CPT1A: variants seen among roughly 807,000 people sequenced by gnomAD.
CPT1A encodes carnitine palmitoyltransferase 1A.
A neutral mutation model predicts 100.8 loss-of-function variants in CPT1A; 64 were observed. The ratio of observed to expected loss-of-function variants is 0.63; its 90% confidence interval spans 0.52 to 0.78. The LOEUF is 0.78. Ranked by LOEUF, CPT1A falls within the 30% of genes least tolerant of loss-of-function variation. The pLI, the probability that CPT1A is intolerant of heterozygous loss-of-function variation, is 0.00. For missense variants in CPT1A, 802 were observed against 1,034.1 expected, an observed-to-expected ratio of 0.78 and a Z score of 3.08; for synonymous variants, 363 against 396.0, an observed-to-expected ratio of 0.92 and a Z score of 0.99.
At chr11:68,761,776 T>A in intron 15 of CPT1A, 89 bp from the exon 16 acceptor site, 1 of 1,478,276 alleles carries the variant, frequency 6.8e-7, no homozygotes, top group East Asian at 2.3e-5. Flanking sequence ...CCGGCTAATA[T>A]TTTTTGTTAT....
In CPT1A at chr11:68,759,641, A is replaced by G. The variant is rs1946763668; in HGVS notation, c.2163T>C (p.Gly721=). ...TCTCTCCCACAAGGATGTACGACACACCATAGCCGTCATCAGCAACCTGGA... is the reference window on the plus strand; with the variant it reads ...TCTCTCCCACAAGGATGTACGACACGCCATAGCCGTCATCAGCAACCTGGA... The part of the protein sequence containing the change: ...GFGPVADDGY[G]VSYILVGENL... The change falls in exon 18 of 19, where the codon GGT becomes GGC. Residue 721 remains glycine (G), a synonymous_variant. Coordinates refer to ENST00000265641, the MANE Select transcript of CPT1A (RefSeq NM_001876.4). 1 of 1,613,570 alleles carries G rather than the reference A, an allele frequency of 6.2e-7. No homozygotes were observed. Among genetic ancestry groups the G allele is most frequent in the African/African-American group, 1.3e-5 (1 of 74,896 alleles).
intron 12 of CPT1A, among the ~76,000 whole-genome samples, 154 bp from the exon 13 acceptor site, chr11:68,775,586 G>C (rs529792714): frequency 6.6e-6 from 1 of 152,340 alleles, no homozygotes; most frequent in East Asian, 1.9e-4. Flanking sequence ...TAATGAGGTG[G>C]ATCTGATCTC....
intron 12 of CPT1A, among the ~76,000 whole-genome samples, 194 bp from the exon 13 acceptor site, chr11:68,775,626 C>A (rs1258144953): frequency 6.6e-6 from 1 of 152,126 alleles, no homozygotes; most frequent in African/African-American, 2.4e-5. Context: ...AGAGGACAGA[C>A]GAGGGCTAAG....
chr11:68,804,353 C>T (rs554779005), intron 4 of CPT1A, among the ~76,000 whole-genome samples: 1 of 152,294 alleles, frequency 6.6e-6, no homozygotes, highest in African/African-American at 2.4e-5. Context: ...CCCATACTTA[C>T]AGGTTCTAGC....
chr11:68,784,821 C>G lies in CPT1A; in HGVS notation c.1157G>C (p.Gly386Ala), dbSNP rs753468721. The G allele has an allele frequency of 1.2e-6, 2 of 1,609,094 alleles. No homozygotes were observed. The highest frequency in any genetic ancestry group is 2.7e-5 in the African/African-American group (2 of 74,874). The part of the protein sequence containing the change: ...GEARLAALTA[G>A]DRVPWARCRQ... ...AGGGACCTAGGCTGCGCACCTGTCT[C>G]CTGCGGTGAGGGCTGCCAGCCTGGC... Residue 386 changes from glycine (G) to alanine (A), a missense_variant, in exon 10 of 19, where the codon GGA (glycine) becomes GCA (alanine). Physicochemically the swap from Gly to Ala is moderately conservative, Grantham distance 60 (BLOSUM62 0). Coordinates refer to ENST00000265641, the MANE Select transcript of CPT1A (RefSeq NM_001876.4).
chr11:68,774,781 CAAAAAAA>C (rs1169875761), intron 13 of CPT1A, among the ~76,000 whole-genome samples: 5 of 54,306 alleles, frequency 9.2e-5, no homozygotes, highest in South Asian at 5.7e-4. Context: ...GACTACATCT[CAAAAAAA>C]AAAAAAAAAA....
intron 1 of CPT1A, among the ~76,000 whole-genome samples, chr11:68,824,448 C>T (rs1349405486): frequency 6.6e-6 from 1 of 151,964 alleles, no homozygotes; most frequent in Admixed American, 6.6e-5. Flanking sequence ...AACAAACAGG[C>T]ACGTGTACCC....
At chr11:68,825,156 G>A (rs1189210034) in intron 1 of CPT1A, among the ~76,000 whole-genome samples, 1 of 152,152 alleles carries the variant, frequency 6.6e-6, no homozygotes, top group African/African-American at 2.4e-5. Flanking sequence ...GGAGGGACGG[G>A]TAGGAAGGAG....
intron 1 of CPT1A, among the ~76,000 whole-genome samples, chr11:68,823,411 G>A (rs1856636745): frequency 6.6e-6 from 1 of 152,134 alleles, no homozygotes; most frequent in Non-Finnish European, 1.5e-5. Context: ...ATGATGGTGG[G>A]GGTGGATATG....
intron 10 of CPT1A, 83 bp downstream of exon 10, chr11:68,784,732 C>T (rs1277845329): frequency 7.3e-7 from 1 of 1,372,944 alleles, no homozygotes; most frequent in South Asian, 1.2e-5. Context: ...AGGATTCCCA[C>T]AGGCCCTGGT....
intron 7 of CPT1A, 69 bp downstream of exon 7, chr11:68,796,787 G>T: frequency 2.0e-6 from 3 of 1,483,662 alleles, no homozygotes; most frequent in Non-Finnish European, 1.9e-6. Context: ...CTGTGAAGAC[G>T]CCACCTCTGT....
At chr11:68,765,635 G>A (rs1184330928) in intron 14 of CPT1A, among the ~76,000 whole-genome samples, 1 of 152,184 alleles carries the variant, frequency 6.6e-6, no homozygotes, top group African/African-American at 2.4e-5. Context: ...CTGCAGACTA[G>A]AATTAATACC....
At chr11:68,835,159 G>A (rs926016263) in intron 1 of CPT1A, among the ~76,000 whole-genome samples, 4 of 152,178 alleles carry the variant, frequency 2.6e-5, no homozygotes, top group African/African-American at 9.7e-5. Flanking sequence ...CGTATTGACA[G>A]ACCCAGTTAT....
At chr11:68,805,704 T>A (rs1856024810) in intron 4 of CPT1A, among the ~76,000 whole-genome samples, 1 of 152,178 alleles carries the variant, frequency 6.6e-6, no homozygotes, top group Admixed American at 6.6e-5. Flanking sequence ...ATCAGCCCCA[T>A]TCGAGAAAGA....
chr11:68,789,996 C>T (rs2153999150), intron 9 of CPT1A, among the ~76,000 whole-genome samples: 1 of 152,282 alleles, frequency 6.6e-6, no homozygotes, highest in East Asian at 1.9e-4. Context: ...TGAGCTGTTT[C>T]TACCCAAAAG....
At chr11:68,822,393 C>T (rs78674707) in intron 1 of CPT1A, among the ~76,000 whole-genome samples, 3,939 of 151,908 alleles carry the variant, frequency 0.026, 172 homozygotes, top group African/African-American at 0.089. Flanking sequence ...ATTACCCAGG[C>T]ATGGTAGTGC....
intron 9 of CPT1A, among the ~76,000 whole-genome samples, chr11:68,792,951 G>A (rs1855657768): frequency 6.6e-6 from 1 of 152,220 alleles, no homozygotes; most frequent in Non-Finnish European, 1.5e-5. Flanking sequence ...GGGAGGCTAA[G>A]ATGGGAGGAT....
chr11:68,774,781 C>CAAAAAAAA (rs1169875761), intron 13 of CPT1A, among the ~76,000 whole-genome samples: 1 of 54,270 alleles, frequency 1.8e-5, no homozygotes. Flanking sequence ...GACTACATCT[C>CAAAAAAAA]AAAAAAAAAA....
chr11:68,792,096 T>A (rs775201965), intron 9 of CPT1A, among the ~76,000 whole-genome samples: 1 of 151,992 alleles, frequency 6.6e-6, no homozygotes, highest in African/African-American at 2.4e-5. Context: ...TCCAGCACTT[T>A]GGAAGGCCGA....
Sources: gnomAD v4.1 joint callset for allele counts (sites outside exome capture counted in the v4.1 genomes callset) on GRCh38, gnomAD v4.1.1 for gene constraint, MANE v1.5 for transcripts, NCBI Gene and HGNC (gene_info 2026-07-23, HGNC 2026-07-21) for gene names.